Variants in GPC6 observed in about 807,000 individuals in gnomAD.
GPC6 encodes the protein glypican 6.
In GPC6, 14 loss-of-function variants were observed where a neutral mutation model predicts 55.2. That is an observed-to-expected ratio of 0.25 (90% CI 0.17 to 0.40). The LOEUF is 0.40. GPC6 is among the 10% of genes least tolerant of loss of function. GPC6 has a pLI of 1.00. For missense variants in GPC6, 641 were observed against 708.5 expected, an observed-to-expected ratio of 0.90 and a Z score of 1.08; for synonymous variants, 278 against 259.6, an observed-to-expected ratio of 1.07 and a Z score of -0.68.
At chr13:94,060,031 A>G (rs184966787) in intron 4 of GPC6, among the ~76,000 whole-genome samples, 14 of 152,218 alleles carry the variant, frequency 9.2e-5, no homozygotes, top group Non-Finnish European at 1.3e-4. Flanking sequence ...CTCAAATATC[A>G]TCTCCTCTCT....
At chr13:93,994,766 C>A (rs1011383191) in intron 3 of GPC6, among the ~76,000 whole-genome samples, 1 of 152,252 alleles carries the variant, frequency 6.6e-6, no homozygotes, top group East Asian at 1.9e-4. Context: ...CTGTGCTACA[C>A]GTTCATAGTT....
chr13:94,218,552 G>A (rs1426999656), intron 4 of GPC6, among the ~76,000 whole-genome samples: 2 of 152,084 alleles, frequency 1.3e-5, no homozygotes, highest in African/African-American at 4.8e-5. Context: ...TTGTTAAATT[G>A]TTTTTTACAG....
At chr13:94,346,912 A>G (rs923926352) in intron 6 of GPC6, among the ~76,000 whole-genome samples, 1 of 152,116 alleles carries the variant, frequency 6.6e-6, no homozygotes, top group Non-Finnish European at 1.5e-5. Context: ...AGATGACTGT[A>G]AGCTTTGTCT....
intron 2 of GPC6, among the ~76,000 whole-genome samples, chr13:93,765,304 A>ACCTTTCCAGATAAGCTGTCTGGAAAG (rs1885090267): frequency 6.9e-6 from 1 of 144,504 alleles, no homozygotes; most frequent in African/African-American, 2.5e-5. Context: ...CTGGAAAGAC[A>ACCTTTCCAGATAAGCTGTCTGGAAAG]ACTTATTTGG....
At chr13:93,246,165 A>G (rs1026169683) in intron 1 of GPC6, among the ~76,000 whole-genome samples, 1 of 152,108 alleles carries the variant, frequency 6.6e-6, no homozygotes, top group Non-Finnish European at 1.5e-5. Context: ...TGACTTTTAG[A>G]CTGTTATGCA....
At chr13:93,676,164 TATATAC>T (rs1566481813) in intron 2 of GPC6, among the ~76,000 whole-genome samples, 14 of 31,318 alleles carry the variant, frequency 4.5e-4, no homozygotes, top group African/African-American at 1.0e-3. Flanking sequence ...TATATATATA[TATATAC>T]ATACACACAC....
chr13:93,955,194 GAA>G (rs1879447536), intron 3 of GPC6, among the ~76,000 whole-genome samples: 1 of 151,332 alleles, frequency 6.6e-6, no homozygotes, highest in African/African-American at 2.4e-5. Flanking sequence ...TCTTGCCAGT[GAA>G]GTGCAGAAGG....
chr13:93,951,515 C>T (rs1879252862), intron 3 of GPC6, among the ~76,000 whole-genome samples: 1 of 152,014 alleles, frequency 6.6e-6, no homozygotes, highest in South Asian at 2.1e-4. Context: ...ATATCCAGAC[C>T]TATACATTTT....
intron 2 of GPC6, among the ~76,000 whole-genome samples, chr13:93,589,215 TAAG>T (rs368273096): frequency 3.0e-4 from 46 of 152,262 alleles, no homozygotes; most frequent in African/African-American, 9.6e-4. Flanking sequence ...TTATTCTTTT[TAAG>T]AAGGAGTTGC....
chr13:93,388,971 T>C (rs1208052518), intron 1 of GPC6, among the ~76,000 whole-genome samples: 15 of 152,160 alleles, frequency 9.9e-5, no homozygotes. Flanking sequence ...CTTCCTCTTT[T>C]ATTTTAAAGA....
intron 1 of GPC6, among the ~76,000 whole-genome samples, chr13:93,431,334 A>G (rs1877351274): frequency 6.6e-6 from 1 of 152,122 alleles, no homozygotes; most frequent in Admixed American, 6.6e-5. Flanking sequence ...GAAAGGACAC[A>G]TTTACTTAGA....
chr13:93,252,120 A>G (rs1876806011), intron 1 of GPC6, among the ~76,000 whole-genome samples: 1 of 152,174 alleles, frequency 6.6e-6, no homozygotes, highest in Non-Finnish European at 1.5e-5. Flanking sequence ...CCCCACCCTG[A>G]GAGTTTTTGA....
intron 3 of GPC6, among the ~76,000 whole-genome samples, chr13:93,932,628 G>T (rs1262204205): frequency 6.6e-6 from 1 of 152,094 alleles, no homozygotes; most frequent in Admixed American, 6.5e-5. Flanking sequence ...AACATCTCAT[G>T]GTAGGTGGGA....
At chr13:93,395,054 G>A (rs1875792375) in intron 1 of GPC6, 1 of 262,322 alleles carries the variant, frequency 3.8e-6, no homozygotes. Context: ...TCCAAAATGT[G>A]AAGACTGACT....
chr13:94,369,808 TG>T (rs1879459380), intron 6 of GPC6, among the ~76,000 whole-genome samples: 5 of 152,264 alleles, frequency 3.3e-5, no homozygotes, highest in South Asian at 2.1e-4. Context: ...TTTTGTTTTT[TG>T]GGGTTTTTTT....
At chr13:94,317,564 ATCT>A (rs1594162988) in intron 6 of GPC6, among the ~76,000 whole-genome samples, 1 of 152,198 alleles carries the variant, frequency 6.6e-6, no homozygotes, top group African/African-American at 2.4e-5. Flanking sequence ...GGAAAATCAA[ATCT>A]TCTTTATGCA....
At chr13:94,333,644 CCCTA>C (rs1426457825) in intron 6 of GPC6, among the ~76,000 whole-genome samples, 8 of 152,200 alleles carry the variant, frequency 5.3e-5, no homozygotes, top group Non-Finnish European at 1.0e-4. Flanking sequence ...CCTGCAATAA[CCCTA>C]AGAGTAGGGC....
At chr13:94,355,664 C>A (rs556091937) in intron 6 of GPC6, among the ~76,000 whole-genome samples, 1 of 152,224 alleles carries the variant, frequency 6.6e-6, no homozygotes, top group Admixed American at 6.5e-5. Context: ...CAGTTGCTAC[C>A]TTCTCAGTGA....
chr13:93,413,672 G>A (rs777809359), intron 1 of GPC6, among the ~76,000 whole-genome samples: 7 of 151,710 alleles, frequency 4.6e-5, no homozygotes, highest in Non-Finnish European at 8.8e-5. Context: ...GATCCTGATA[G>A]TATTATGGAA....
Sources: allele counts gnomAD v4.1 joint callset (sites outside exome capture counted in the v4.1 genomes callset), GRCh38; gene constraint gnomAD v4.1.1; transcripts MANE v1.5; gene names NCBI Gene and HGNC (gene_info 2026-07-23, HGNC 2026-07-21).